Variants in ADCY2 observed in about 807,000 individuals in gnomAD.
ADCY2 encodes adenylate cyclase type 2.
In ADCY2, 31 loss-of-function variants were observed where a neutral mutation model predicts 125.2. The observed-to-expected ratio is 0.25, with a 90% CI of 0.19 to 0.33. ADCY2 has a LOEUF of 0.33. Among genes scored for constraint, ADCY2 ranks in the 10% least tolerant of loss-of-function variants. ADCY2 has a pLI of 1.00. For synonymous variants in ADCY2, 512 were observed against 548.4 expected (o/e 0.93, Z 0.93); for missense variants, 904 against 1,418.2 (o/e 0.64, Z 5.82).
At chr5:7,704,282 C>T (rs927978218) in intron 7 of ADCY2, among the ~76,000 whole-genome samples, 11 of 152,168 alleles carry the variant, frequency 7.2e-5, no homozygotes, top group African/African-American at 2.7e-4. Flanking sequence ...CAGACAGCTG[C>T]CTGCTCTTCT....
intron 20 of ADCY2, chr5:7,794,198 T>C (rs1744346431): frequency 6.6e-6 from 1 of 152,194 alleles, no homozygotes; most frequent in Admixed American, 6.5e-5. Flanking sequence ...TGCAGGGTTC[T>C]CTGTACTTAA....
intron 2 of ADCY2, among the ~76,000 whole-genome samples, chr5:7,447,035 G>C (rs1171648268): frequency 6.6e-6 from 1 of 152,058 alleles, no homozygotes; most frequent in East Asian, 1.9e-4. Context: ...TTAGCTGCAG[G>C]TGACGCATGT....
rs1050446722 is a variant in ADCY2, at chr5:7,575,174, T to A, written c.571-50993T>A. 3.8e-4 allele frequency among the ~76,000 whole-genome samples: 58 copies of A among 151,970 alleles called. 1 individual carries two copies. The highest frequency in any genetic ancestry group is 6.8e-4 in the African/African-American group (28 of 41,464). On this transcript the variant is annotated intron_variant, in intron 3 of 24. Transcript: ENST00000338316. ...GATTGTGTCTCTCTATAAAAAAAAA[T>A]TTTTAAATTAAAAAATAAAAAGGAG...
rs188201832 is a variant in ADCY2 at position 7,638,361 on chromosome 5, G to A, written c.720+12045G>A. The stretch of plus-strand genomic sequence containing the variant: ...ATCTGATAGAATTTGAGGCTCAGCA[G>A]CCCGCACCTATGACCTCTGCCCTGA... On this transcript the variant is annotated intron_variant, in intron 4 of 24. Coordinates refer to ENST00000338316, the MANE Select transcript of ADCY2 (RefSeq NM_020546.3). 2.6e-4 allele frequency among the ~76,000 whole-genome samples: 40 copies of A among 152,280 alleles called. No homozygotes were observed. The East Asian group carries it at 5.2e-3, about 20-fold the overall frequency.
intron 3 of ADCY2, among the ~76,000 whole-genome samples, chr5:7,569,248 G>A (rs907194170): frequency 2.6e-5 from 4 of 152,076 alleles, no homozygotes; most frequent in African/African-American, 7.2e-5. Context: ...AGAGGATACC[G>A]CAGGACAGAA....
chr5:7,436,452 G>A (rs912407162), intron 2 of ADCY2, among the ~76,000 whole-genome samples: 1 of 152,146 alleles, frequency 6.6e-6, no homozygotes, highest in African/African-American at 2.4e-5. Flanking sequence ...CCTTGGCTTC[G>A]ATGTCTCTGT....
At chr5:7,566,840 T>C (rs1735907957) in intron 3 of ADCY2, among the ~76,000 whole-genome samples, 1 of 152,236 alleles carries the variant, frequency 6.6e-6, no homozygotes, top group African/African-American at 2.4e-5. Context: ...CATTTGGAAC[T>C]TTCCAAATAT....
chr5:7,441,020 G>A (rs1235081748), intron 2 of ADCY2, among the ~76,000 whole-genome samples: 1 of 152,196 alleles, frequency 6.6e-6, no homozygotes, highest in African/African-American at 2.4e-5. Flanking sequence ...ACGTGGTTTT[G>A]TACCTTTGGA....
chr5:7,566,114 A>G (rs1561098233), intron 3 of ADCY2, among the ~76,000 whole-genome samples: 1 of 152,174 alleles, frequency 6.6e-6, no homozygotes, highest in African/African-American at 2.4e-5. Flanking sequence ...TCAGCAAGGA[A>G]TTGCACCAAG....
intron 17 of ADCY2, among the ~76,000 whole-genome samples, chr5:7,772,086 A>G (rs7711377): frequency 0.4 from 60,627 of 151,988 alleles, 12,494 homozygotes; most frequent in Admixed American, 0.52. Context: ...TCAATGACCT[A>G]CAAGGAGAAT....
chr5:7,551,914 A>G (rs1488588865), intron 3 of ADCY2, among the ~76,000 whole-genome samples: 1 of 152,170 alleles, frequency 6.6e-6, no homozygotes, highest in Admixed American at 6.5e-5. Flanking sequence ...TATGCCCAAT[A>G]TCTTTTTTCT....
At chr5:7,693,413 G>GT (rs70940751) in intron 5 of ADCY2, among the ~76,000 whole-genome samples, 1,216 of 32,366 alleles carry the variant, frequency 0.038, 52 homozygotes, top group African/African-American at 0.048. Flanking sequence ...GCTGTTTTTT[G>GT]TTTTTTTTTT....
chr5:7,412,682 C>G (rs1459237347), intron 1 of ADCY2, among the ~76,000 whole-genome samples: 1 of 152,240 alleles, frequency 6.6e-6, no homozygotes, highest in Non-Finnish European at 1.5e-5. Flanking sequence ...TGGAAACACA[C>G]ATTCTTTCGG....
intron 16 of ADCY2, among the ~76,000 whole-genome samples, chr5:7,762,986 A>G (rs1743272269): frequency 2.9e-5 from 1 of 34,380 alleles, no homozygotes; most frequent in Non-Finnish European, 5.5e-5. Context: ...CATGTATAGC[A>G]CCTATGATTT....
intron 3 of ADCY2, among the ~76,000 whole-genome samples, chr5:7,536,236 A>T (rs558668653): frequency 2.0e-5 from 3 of 152,244 alleles, no homozygotes; most frequent in Non-Finnish European, 2.9e-5. Flanking sequence ...CCAGACCTTT[A>T]TGGGGTGGAA....
chr5:7,718,145 A>AGTT lies in ADCY2; in HGVS notation c.1703+908_1703+909insGTT, dbSNP rs1741653025. Among the ~76,000 whole-genome samples, 25 of 115,412 alleles carry AGTT rather than the reference A, an allele frequency of 2.2e-4. No individual in the cohort carries two copies. The Admixed American group carries it at 2.2e-3, about 10-fold the overall frequency. 75.7% of individuals were successfully genotyped at this position (115,412 alleles called of 152,430 possible). A position where few individuals can be genotyped will look rare whatever the true frequency, so the allele number is the denominator to read the frequency against. Reference sequence around the variant, plus strand: ...TTTGCAAAATGCATGCCTGTTTTAGATTTTTTTTTTTTTTTTTTTTTGAGA... The same window carrying AGTT: ...TTTGCAAAATGCATGCCTGTTTTAGAGTTTTTTTTTTTTTTTTTTTTTTTGAGA... On this transcript the variant is annotated intron_variant, in intron 12 of 24. Transcript: ENST00000338316.
At chr5:7,752,702 G>GA (rs34058316) in intron 15 of ADCY2, among the ~76,000 whole-genome samples, 56,303 of 145,844 alleles carry the variant, frequency 0.39, 12,113 homozygotes, top group Non-Finnish European at 0.5. Flanking sequence ...AACAAGGGAA[G>GA]AAAAAAAAAA....
At chr5:7,823,493 A>C (rs1339212360) in intron 24 of ADCY2, among the ~76,000 whole-genome samples, 1 of 152,138 alleles carries the variant, frequency 6.6e-6, no homozygotes, top group Non-Finnish European at 1.5e-5. Flanking sequence ...TCATTTTCTG[A>C]TGGTACCAAG....
Position 7,577,258 on chromosome 5 carries a change from T to C in ADCY2, c.571-48909T>C, listed in dbSNP as rs1045262223. 2.0e-5 allele frequency among the ~76,000 whole-genome samples: 3 copies of C among 152,184 alleles called. 1 individual carries two copies. Among genetic ancestry groups the C allele is most frequent in the Middle Eastern group, 6.3e-3 (2 of 316 alleles). On this transcript the variant is annotated intron_variant, in intron 3 of 24. Transcript: ENST00000338316. ...ACACTGCAGGATCAGAAAGAGTCTT[T>C]CAATTTGAATTTCATATCAGATATA...
Sources: gnomAD v4.1 joint callset for allele counts (sites outside exome capture counted in the v4.1 genomes callset) on GRCh38, gnomAD v4.1.1 for gene constraint, MANE v1.5 for transcripts, NCBI Gene and HGNC (gene_info 2026-07-23, HGNC 2026-07-21) for gene names.